Variants in MARCHF1 observed in about 807,000 individuals in gnomAD.
The protein encoded by MARCHF1 is E3 ubiquitin-protein ligase MARCHF1.
In MARCHF1, 40 loss-of-function variants were observed where a neutral mutation model predicts 54.2. The observed-to-expected ratio is 0.74, with a 90% CI of 0.57 to 0.96. MARCHF1 has a LOEUF of 0.96. MARCHF1 is among the 40% of genes least tolerant of loss of function. The probability of loss-of-function intolerance (pLI) is 0.00; values close to 1 mark genes in which losing one functional copy is unlikely to be tolerated. For synonymous variants in MARCHF1, 236 were observed against 236.3 expected, an observed-to-expected ratio of 1.00 and a Z score of 0.01; for missense variants, 586 against 656.5, an observed-to-expected ratio of 0.89 and a Z score of 1.17.
chr4:164,166,153 A>C (rs1730374466), intron 1 of MARCHF1, among the ~76,000 whole-genome samples: 1 of 151,958 alleles, frequency 6.6e-6, no homozygotes, highest in Non-Finnish European at 1.5e-5. Flanking sequence ...TCAAAAATCA[A>C]CCTGGGGATA....
rs112109750 is a variant in MARCHF1, at chr4:163,646,528, T to C, written c.163-33135A>G. On this transcript the variant is annotated intron_variant, in intron 5 of 9. Transcript: ENST00000514618. ...GTGTATAAATTACTTATATCTCTAA[T>C]ATAAAGATTAAAAGACAAAACTATT... 4.0e-4 allele frequency among the ~76,000 whole-genome samples: 61 copies of C among 152,194 alleles called. 1 individual carries two copies. The highest frequency in any genetic ancestry group is 1.4e-3 in the African/African-American group (59 of 41,558).
Position 164,046,850 on chromosome 4 carries a change from G to C in MARCHF1, c.-247-58141C>G. On this transcript the variant is annotated intron_variant, in intron 2 of 9. Coordinates refer to ENST00000514618, the MANE Select transcript of MARCHF1 (RefSeq NM_001394959.1). ...ACTCAGAGAAGTTTCATGGAAAAAG[G>C]ATTACTTCCAAATCTGTTTAAGAGA... Among the ~76,000 whole-genome samples, 2 of 152,124 alleles carry C rather than the reference G, an allele frequency of 1.3e-5. 1 individual carries two copies.
intron 1 of MARCHF1, among the ~76,000 whole-genome samples, chr4:164,190,652 G>A (rs1156332679): frequency 6.6e-6 from 1 of 152,176 alleles, no homozygotes; most frequent in Non-Finnish European, 1.5e-5. Flanking sequence ...TCTGCCATAA[G>A]TGATGCCAAT....
chr4:163,721,674 T>G (rs1745466590), intron 4 of MARCHF1, among the ~76,000 whole-genome samples: 1 of 152,182 alleles, frequency 6.6e-6, no homozygotes, highest in African/African-American at 2.4e-5. Context: ...TTTCTTTGTT[T>G]GGTAGGCTAT....
intron 5 of MARCHF1, among the ~76,000 whole-genome samples, chr4:163,698,868 A>G (rs1024238865): frequency 6.6e-6 from 1 of 152,204 alleles, no homozygotes; most frequent in Admixed American, 6.5e-5. Context: ...CAGATGACAG[A>G]GTTCTTTGGT....
chr4:163,713,305 A>T (rs905938668), intron 4 of MARCHF1, among the ~76,000 whole-genome samples: 1 of 152,126 alleles, frequency 6.6e-6, no homozygotes, highest in Non-Finnish European at 1.5e-5. Flanking sequence ...GTCACTAGAG[A>T]ATTATTACTT....
In MARCHF1 at chr4:164,335,314, G is replaced by A. The variant is rs112011538; in HGVS notation, c.-323+48556C>T. Reference sequence around the variant, plus strand: ...ATTTAAGAATTTGCCTCAGCCCGGTGGCTCACGCCTGTAATCCCAGCACTT... The same window carrying A: ...ATTTAAGAATTTGCCTCAGCCCGGTAGCTCACGCCTGTAATCCCAGCACTT... On this transcript the variant is annotated intron_variant, in intron 1 of 9. Coordinates refer to ENST00000514618, the MANE Select transcript of MARCHF1 (RefSeq NM_001394959.1). Among the ~76,000 whole-genome samples the A allele has an allele frequency of 1.3e-3, 195 of 152,294 alleles. 1 individual carries two copies. Among genetic ancestry groups the A allele is most frequent in the Middle Eastern group, 6.8e-3 (2 of 294 alleles).
intron 9 of MARCHF1, among the ~76,000 whole-genome samples, chr4:163,544,209 C>T (rs1456755921): frequency 6.6e-6 from 1 of 152,090 alleles, no homozygotes; most frequent in African/African-American, 2.4e-5. Context: ...CCTCAGGGAA[C>T]TTATTTAATA....
At chr4:164,110,633 G>A (rs547579216) in intron 2 of MARCHF1, among the ~76,000 whole-genome samples, 2 of 149,664 alleles carry the variant, frequency 1.3e-5, no homozygotes, top group South Asian at 2.1e-4. Context: ...TCATCTAGTC[G>A]ATCCCTCCAT....
At chr4:164,214,445 C>A (rs992589861) in intron 1 of MARCHF1, among the ~76,000 whole-genome samples, 1 of 152,014 alleles carries the variant, frequency 6.6e-6, no homozygotes, top group Non-Finnish European at 1.5e-5. Context: ...TATATAACTT[C>A]ATTGAATCCC....
intron 1 of MARCHF1, among the ~76,000 whole-genome samples, chr4:164,245,006 C>T (rs1333697715): frequency 1.3e-5 from 2 of 152,180 alleles, no homozygotes; most frequent in Non-Finnish European, 2.9e-5. Flanking sequence ...CAGATGGATA[C>T]ACAGCCGAAT....
In MARCHF1 at chr4:164,239,866, T is replaced by C. The variant is rs147424132; in HGVS notation, c.-322-128204A>G. 9.8e-5 allele frequency among the ~76,000 whole-genome samples: 15 copies of C among 152,320 alleles called. No individual in the cohort carries two copies. In the East Asian group the frequency reaches 2.9e-3, roughly 29 times the overall value. ...AGTGTTGATTTTATATTTATGAAAA[T>C]CTTTGACAGCAAGAAACCATTCTTA... On this transcript the variant is annotated intron_variant, in intron 1 of 9. Coordinates refer to ENST00000514618, the MANE Select transcript of MARCHF1 (RefSeq NM_001394959.1).
chr4:163,569,312 T>G (rs997407064), intron 8 of MARCHF1, among the ~76,000 whole-genome samples: 1 of 152,142 alleles, frequency 6.6e-6, no homozygotes, highest in Non-Finnish European at 1.5e-5. Flanking sequence ...GTCTACTCTG[T>G]GTCCTTTTAG....
chr4:163,777,774 A>G (rs1271534427), intron 4 of MARCHF1, among the ~76,000 whole-genome samples: 1 of 152,192 alleles, frequency 6.6e-6, no homozygotes, highest in Non-Finnish European at 1.5e-5. Context: ...TTATTAAGGT[A>G]TAATTTACAT....
intron 1 of MARCHF1, among the ~76,000 whole-genome samples, chr4:164,214,326 T>A (rs1270326106): frequency 6.6e-6 from 1 of 152,232 alleles, no homozygotes; most frequent in African/African-American, 2.4e-5. Flanking sequence ...TCCTAACTGC[T>A]TCCTATCTGG....
At chr4:163,605,340 T>C (rs1741107372) in intron 7 of MARCHF1, among the ~76,000 whole-genome samples, 1 of 151,928 alleles carries the variant, frequency 6.6e-6, no homozygotes, top group South Asian at 2.1e-4. Flanking sequence ...GAAATGCAAA[T>C]CAAAACCACA....
At chr4:164,272,785 T>C (rs1246784797) in intron 1 of MARCHF1, among the ~76,000 whole-genome samples, 1 of 151,900 alleles carries the variant, frequency 6.6e-6, no homozygotes, top group East Asian at 1.9e-4. Context: ...GTATTGAATG[T>C]ATTTTTTGCA....
chr4:163,875,033 C>G (rs1012458699), intron 3 of MARCHF1, among the ~76,000 whole-genome samples: 7 of 152,174 alleles, frequency 4.6e-5, no homozygotes, highest in Non-Finnish European at 8.8e-5. Flanking sequence ...TTCTGAATCT[C>G]TGAAAATTTT....
intron 5 of MARCHF1, among the ~76,000 whole-genome samples, chr4:163,694,990 C>A (rs1489347828): frequency 6.6e-6 from 1 of 152,082 alleles, no homozygotes; most frequent in East Asian, 1.9e-4. Flanking sequence ...TAGTTATTTC[C>A]TAATTATATA....
Sources: gnomAD v4.1 joint callset for allele counts (sites outside exome capture counted in the v4.1 genomes callset) on GRCh38, gnomAD v4.1.1 for gene constraint, MANE v1.5 for transcripts, NCBI Gene and HGNC (gene_info 2026-07-23, HGNC 2026-07-21) for gene names.